Variants in DCDC2 observed in about 807,000 individuals in gnomAD.
DCDC2 encodes the protein doublecortin domain containing 2.
A neutral mutation model predicts 50.2 loss-of-function variants in DCDC2; 40 were observed. That is an observed-to-expected ratio of 0.80 (90% confidence interval 0.62 to 1.04). DCDC2 has a LOEUF of 1.04. Ranked by LOEUF, DCDC2 falls within the 50% of genes least tolerant of loss-of-function variation. DCDC2 has a pLI of 0.00. For synonymous variants in DCDC2, 234 were observed against 210.6 expected (o/e 1.11, Z -0.96); for missense variants, 570 against 581.9 (o/e 0.98, Z 0.21).
chr6:24,315,847 C>T (rs1759650947), intron 2 of DCDC2, among the ~76,000 whole-genome samples: 3 of 152,000 alleles, frequency 2.0e-5, no homozygotes, highest in African/African-American at 7.3e-5. Context: ...GAAGAGACTG[C>T]AGAAAGCAAG....
intron 7 of DCDC2, among the ~76,000 whole-genome samples, chr6:24,221,447 C>A (rs1561895870): frequency 6.6e-6 from 1 of 152,206 alleles, no homozygotes; most frequent in Non-Finnish European, 1.5e-5. Flanking sequence ...GCCACCTCCC[C>A]AGAAGTCTTC....
upstream of DCDC2, among the ~76,000 whole-genome samples, chr6:24,360,285 G>C (rs989674842): frequency 5.3e-5 from 8 of 152,226 alleles, no homozygotes; most frequent in Non-Finnish European, 1.2e-4. Flanking sequence ...GGGAGAAACA[G>C]GTGACATGAT....
rs777894957 is a variant in DCDC2 at position 24,174,719 on chromosome 6, T to C, written c.*11A>G. On this transcript the variant is annotated 3_prime_UTR_variant, in exon 10 of 10. Transcript: ENST00000378454. Reference sequence around the variant, plus strand: ...TTCTTGCGATCCATATACTCTCTTTTTAAAAATGTTCTAAGCCACGGCAGC... The same window carrying C: ...TTCTTGCGATCCATATACTCTCTTTCTAAAAATGTTCTAAGCCACGGCAGC... 6.3e-7 allele frequency: 1 copy of C among 1,589,558 alleles called. No homozygotes were observed. The highest frequency in any genetic ancestry group is 8.6e-7 in the Non-Finnish European group (1 of 1,158,294).
chr6:24,246,416 G>A (rs1019469186), intron 7 of DCDC2, among the ~76,000 whole-genome samples: 18 of 149,310 alleles, frequency 1.2e-4, no homozygotes, highest in African/African-American at 3.7e-4. Flanking sequence ...ATCTTAGATG[G>A]TATTCACTTA....
intron 7 of DCDC2, among the ~76,000 whole-genome samples, chr6:24,271,234 G>A (rs1276981663): frequency 3.2e-5 from 3 of 94,162 alleles, no homozygotes; most frequent in Admixed American, 1.2e-4. Context: ...AAGAGAGAGA[G>A]AGAGAGAAAG....
chr6:24,315,539 T>A (rs992049134), intron 2 of DCDC2, among the ~76,000 whole-genome samples: 2 of 152,172 alleles, frequency 1.3e-5, no homozygotes, highest in African/African-American at 4.8e-5. Flanking sequence ...GGCACTGGAC[T>A]AAGTGTTGAG....
intron 2 of DCDC2, among the ~76,000 whole-genome samples, chr6:24,304,813 T>G (rs1222863515): frequency 6.6e-6 from 1 of 152,216 alleles, no homozygotes; most frequent in East Asian, 1.9e-4. Context: ...TATCATTTTT[T>G]TTCCCTTTTA....
At chr6:24,181,999 G>C (rs888669018) in intron 8 of DCDC2, among the ~76,000 whole-genome samples, 1 of 152,200 alleles carries the variant, frequency 6.6e-6, no homozygotes, top group Non-Finnish European at 1.5e-5. Flanking sequence ...AGAGAGTCCA[G>C]AAATAAACCT....
At position 24,324,952 on chromosome 6, in the gene DCDC2, A is replaced by G. The variant is rs375719582; in HGVS notation, c.349-22908T>C. Among the ~76,000 whole-genome samples, 13 of 152,232 alleles carry G rather than the reference A, an allele frequency of 8.5e-5. No individual in the cohort carries two copies. In the South Asian group the frequency reaches 2.1e-3, roughly 24 times the overall value. ...AGAGAGAGAGCTATGACACTTTGGC[A>G]TCTCAAATAGTTCAACTACATCAAA... On this transcript the variant is annotated intron_variant, in intron 2 of 9. Transcript: ENST00000378454.
chr6:24,265,850 G>C (rs1455914566), intron 7 of DCDC2, among the ~76,000 whole-genome samples: 2 of 149,836 alleles, frequency 1.3e-5, no homozygotes, highest in South Asian at 2.1e-4. Flanking sequence ...ATCTTAACTA[G>C]AAAAGCAAGA....
chr6:24,301,743 T>C lies in DCDC2; in HGVS notation c.529A>G (p.Ile177Val). 6.2e-7 allele frequency: 1 copy of C among 1,614,110 alleles called. No individual in the cohort carries two copies. Residue 177 changes from isoleucine to valine, a missense_variant, in exon 4 of 10, where the codon ATC (isoleucine) becomes GTC (valine). By Grantham distance (29) the Ile-to-Val change is conservative. Transcript: ENST00000378454. The stretch of plus-strand genomic sequence containing the variant: ...TGAACAGCCCCGCTCCTCAGAGTGA[T>C]TTTTTCTGTGACCATTTGTAGTACA... ...DHVLQMVTEK[I>V]TLRSGAVHRL...
At chr6:24,272,496 G>A (rs1763258800) in intron 7 of DCDC2, among the ~76,000 whole-genome samples, 2 of 151,984 alleles carry the variant, frequency 1.3e-5, no homozygotes, top group Non-Finnish European at 2.9e-5. Context: ...AATTTACAAG[G>A]AACTCAAAGA....
intron 7 of DCDC2, among the ~76,000 whole-genome samples, chr6:24,208,343 C>T (rs1761770607): frequency 6.6e-6 from 1 of 150,586 alleles, no homozygotes; most frequent in Non-Finnish European, 1.5e-5. Context: ...ACAGAACCAA[C>T]AGCTCCCTCC....
At chr6:24,200,337 G>T (rs1159889025) in intron 8 of DCDC2, among the ~76,000 whole-genome samples, 1 of 152,200 alleles carries the variant, frequency 6.6e-6, no homozygotes, top group Non-Finnish European at 1.5e-5. Context: ...CAAGCCAGAA[G>T]AGTGGGGGCC....
intron 7 of DCDC2, 37 bp downstream of exon 7, chr6:24,278,012 T>C (rs1161486621): frequency 2.6e-6 from 4 of 1,517,044 alleles, no homozygotes; most frequent in African/African-American, 1.4e-5. Flanking sequence ...AGAATTAAAA[T>C]TGTATCACAG....
At chr6:24,288,099 C>A (rs1196199872) in intron 6 of DCDC2, among the ~76,000 whole-genome samples, 2 of 152,150 alleles carry the variant, frequency 1.3e-5, no homozygotes, top group Non-Finnish European at 2.9e-5. Flanking sequence ...GCCTAGAAAT[C>A]ATTTACTTTA....
At chr6:24,295,257 C>T (rs983331312) in intron 4 of DCDC2, among the ~76,000 whole-genome samples, 19 of 152,174 alleles carry the variant, frequency 1.2e-4, no homozygotes, top group African/African-American at 3.6e-4. Context: ...AAAAGGCTTT[C>T]GATAAAATTC....
chr6:24,287,940 TA>T (rs1763648120), intron 6 of DCDC2, among the ~76,000 whole-genome samples: 1 of 152,352 alleles, frequency 6.6e-6, no homozygotes, highest in East Asian at 1.9e-4. Flanking sequence ...CATAATAGTA[TA>T]AGAGTCTCAG....
intron 8 of DCDC2, among the ~76,000 whole-genome samples, chr6:24,195,538 C>T (rs1761413179): frequency 6.6e-6 from 1 of 152,134 alleles, no homozygotes; most frequent in Non-Finnish European, 1.5e-5. Flanking sequence ...AGAAACCCAG[C>T]CTTTGTCCCA....
Sources: gnomAD v4.1 joint callset for allele counts (sites outside exome capture counted in the v4.1 genomes callset) on GRCh38, gnomAD v4.1.1 for gene constraint, MANE v1.5 for transcripts, NCBI Gene and HGNC (gene_info 2026-07-23, HGNC 2026-07-21) for gene names.